RORA: variants seen among roughly 807,000 people sequenced by gnomAD.
RORA encodes RAR related orphan receptor A.
RORA carries 7 observed loss-of-function variants against 69.5 expected under a neutral mutation model. The observed-to-expected ratio is 0.10, with a 90% confidence interval of 0.06 to 0.19. RORA has a LOEUF of 0.19. Ranked by LOEUF, RORA falls within the 10% of genes least tolerant of loss-of-function variation. The pLI, the probability that RORA is intolerant of heterozygous loss-of-function variation, is 1.00. For synonymous variants in RORA, 261 were observed against 240.8 expected, an observed-to-expected ratio of 1.08 and a Z score of -0.78; for missense variants, 457 against 663.0, an observed-to-expected ratio of 0.69 and a Z score of 3.41.
chr15:60,511,595 T>G lies in RORA; in HGVS notation c.451A>C (p.Lys151Gln). 1 of 1,607,252 alleles carries G rather than the reference T, an allele frequency of 6.2e-7. No individual in the cohort carries two copies. Among genetic ancestry groups the G allele is most frequent in the South Asian group, 1.1e-5 (1 of 90,616 alleles). ...TCTGCATACAAGCTGTCTCTCTGCT[T>G]TTTTGACATTCGGCCAAATTTTACA... ...DAVKFGRMSK[K>Q]QRDSLYAEVQ... Residue 151 changes from lysine to glutamine, a missense_variant, in exon 5 of 11, where the codon AAG (lysine) becomes CAG (glutamine). Lys to Gln is a moderately conservative substitution (Grantham distance 53). Around this residue, in one of 3 missense-constraint regions of RORA, gnomAD observed 34 missense variants for 123.2 expected, o/e 0.28. Transcript: ENST00000335670. This position sits in a 1 kb window ranked among gnomAD's most constrained non-coding sequence, Gnocchi z 6.4.
At chr15:60,715,952 A>G (rs1386307799) in intron 1 of RORA, among the ~76,000 whole-genome samples, 1 of 152,192 alleles carries the variant, frequency 6.6e-6, no homozygotes, top group African/African-American at 2.4e-5. Context: ...AATTGCCTTC[A>G]CCCACAAATG....
chr15:60,896,362 A>C (rs1191978047), intron 1 of RORA, among the ~76,000 whole-genome samples: 1 of 152,234 alleles, frequency 6.6e-6, no homozygotes. Context: ...ATATGCGAAT[A>C]AGCATTGATT....
intron 1 of RORA, among the ~76,000 whole-genome samples, chr15:60,763,402 A>G (rs942270000): frequency 6.6e-6 from 1 of 152,184 alleles, no homozygotes; most frequent in Admixed American, 6.5e-5. Flanking sequence ...ATGCAAGAAA[A>G]AAAGTTCCCT....
At chr15:61,135,432 T>G (rs1435876969) in intron 1 of RORA, among the ~76,000 whole-genome samples, 1 of 152,084 alleles carries the variant, frequency 6.6e-6, no homozygotes, top group Non-Finnish European at 1.5e-5. Context: ...TAGTATCTAT[T>G]CTACTTACAG....
intron 2 of RORA, among the ~76,000 whole-genome samples, chr15:60,604,165 T>C (rs1017466384): frequency 6.9e-6 from 1 of 144,298 alleles, no homozygotes; most frequent in African/African-American, 2.6e-5. Context: ...GCACGAACAT[T>C]AGAAAAATAT....
intron 1 of RORA, among the ~76,000 whole-genome samples, chr15:60,785,681 T>C (rs2072324349): frequency 6.6e-6 from 1 of 152,166 alleles, no homozygotes; most frequent in Non-Finnish European, 1.5e-5. Context: ...CTCAAATACA[T>C]AATCCTTCCT....
intron 2 of RORA, among the ~76,000 whole-genome samples, chr15:60,591,617 G>A (rs1484863519): frequency 2.0e-5 from 3 of 152,050 alleles, no homozygotes; most frequent in African/African-American, 7.2e-5. Flanking sequence ...CCCTCACCAC[G>A]GTCTAACCTC....
intron 1 of RORA, among the ~76,000 whole-genome samples, chr15:60,716,310 C>T (rs1567166935): frequency 6.6e-6 from 1 of 152,190 alleles, no homozygotes; most frequent in South Asian, 2.1e-4. Context: ...TGTGAATCTT[C>T]CCCTCCTTCA....
intron 1 of RORA, among the ~76,000 whole-genome samples, chr15:60,999,742 A>C (rs865840525): frequency 1.3e-5 from 2 of 152,158 alleles, no homozygotes; most frequent in Non-Finnish European, 2.9e-5. Context: ...GTGAACAATA[A>C]GGAAAGGAAA....
At chr15:61,159,202 C>G (rs551402820) in intron 1 of RORA, among the ~76,000 whole-genome samples, 7 of 152,112 alleles carry the variant, frequency 4.6e-5, no homozygotes, top group African/African-American at 1.7e-4. Flanking sequence ...TAGCCTATAT[C>G]AAGAGTCCCA....
At chr15:60,701,581 A>C (rs1473603484) in intron 1 of RORA, among the ~76,000 whole-genome samples, 1 of 152,174 alleles carries the variant, frequency 6.6e-6, no homozygotes, top group Admixed American at 6.5e-5. Flanking sequence ...CACTCACCGC[A>C]ATATTTATCC....
At chr15:60,908,164 C>T (rs1891599505) in intron 1 of RORA, among the ~76,000 whole-genome samples, 1 of 152,216 alleles carries the variant, frequency 6.6e-6, no homozygotes, top group African/African-American at 2.4e-5. Context: ...GCTGGTGAGG[C>T]CTGCCTCTGA....
chr15:60,903,964 T>C (rs1891462395), intron 1 of RORA, among the ~76,000 whole-genome samples: 1 of 152,190 alleles, frequency 6.6e-6, no homozygotes, highest in Non-Finnish European at 1.5e-5. Context: ...TTTACAAAAA[T>C]GAAACATCAA....
chr15:61,226,774 G>C lies in RORA; in HGVS notation c.166+2279C>G, dbSNP rs2080148496. 6.6e-6 allele frequency among the ~76,000 whole-genome samples: 1 copy of C among 152,076 alleles called. No homozygotes were observed. Among genetic ancestry groups the C allele is most frequent in the African/African-American group, 2.4e-5 (1 of 41,392 alleles). On this transcript the variant is annotated intron_variant, in intron 1 of 10. Coordinates refer to ENST00000335670, the MANE Select transcript of RORA (RefSeq NM_134261.3). The surrounding 1 kb of genome is among the most constrained non-coding windows in gnomAD (Gnocchi z 4.2). ...CAGACTGTTATATAACCTAGTGCCT[G>C]CGTGCAGGATGTGAGTTGAGTGTTT...
intron 2 of RORA, among the ~76,000 whole-genome samples, chr15:60,576,015 G>A (rs1256766905): frequency 1.3e-5 from 2 of 152,182 alleles, no homozygotes; most frequent in African/African-American, 4.8e-5. Flanking sequence ...GGCTTGCCTT[G>A]CTTTCCTTCC....
chr15:60,561,640 T>G (rs916845315), intron 2 of RORA, among the ~76,000 whole-genome samples: 2 of 152,086 alleles, frequency 1.3e-5, no homozygotes, highest in Non-Finnish European at 2.9e-5. Context: ...AATTGCAAAA[T>G]ACCAATACAT....
chr15:60,530,575 G>A (rs2066497486), intron 3 of RORA: 1 of 152,156 alleles, frequency 6.6e-6, no homozygotes, highest in Non-Finnish European at 1.5e-5. Context: ...TGCTAAGATG[G>A]GATCAACATG....
intron 1 of RORA, among the ~76,000 whole-genome samples, chr15:61,033,792 G>C (rs77209549): frequency 0.014 from 2,176 of 152,128 alleles, 58 homozygotes; most frequent in African/African-American, 0.05. Flanking sequence ...CAACAAGCCA[G>C]GCATGGTGGT....
chr15:60,986,507 C>G (rs974666514), intron 1 of RORA, among the ~76,000 whole-genome samples: 5 of 152,146 alleles, frequency 3.3e-5, no homozygotes, highest in African/African-American at 1.2e-4. Flanking sequence ...AGTGATCATA[C>G]CAAGTTAGAC....
Sources: allele counts gnomAD v4.1 joint callset (sites outside exome capture counted in the v4.1 genomes callset), GRCh38; gene constraint gnomAD v4.1.1; regional missense constraint gnomAD v4.1.1; non-coding constraint Gnocchi (gnomAD v3.1); transcripts MANE v1.5; gene names NCBI Gene and HGNC (gene_info 2026-07-23, HGNC 2026-07-21).